LMO7: variants seen among roughly 807,000 people sequenced by gnomAD.
The protein encoded by LMO7 is LIM domain only protein 7.
In LMO7, 120 loss-of-function variants were observed where a neutral mutation model predicts 206.5. That is an observed-to-expected ratio of 0.58 (90% CI 0.50 to 0.68). LMO7 has a LOEUF of 0.68. Among genes scored for constraint, LMO7 ranks in the 30% least tolerant of loss-of-function variants. The probability of loss-of-function intolerance (pLI) is 0.00; values close to 1 mark genes in which losing one functional copy is unlikely to be tolerated. For missense variants in LMO7, 1,959 were observed against 1,957.9 expected (o/e 1.00, Z -0.01); for synonymous variants, 706 against 681.5 (o/e 1.04, Z -0.56).
chr13:75,856,332 T>C (rs979583005), intron 29 of LMO7, among the ~76,000 whole-genome samples, 174 bp from the exon 30 acceptor site: 11 of 152,204 alleles, frequency 7.2e-5, no homozygotes, highest in African/African-American at 2.4e-4. Flanking sequence ...TAACATCTTA[T>C]CTGGCGGTCT....
chr13:75,732,347 C>G (rs2045331679), intron 3 of LMO7, among the ~76,000 whole-genome samples: 2 of 129,618 alleles, frequency 1.5e-5, no homozygotes, highest in African/African-American at 6.1e-5. Flanking sequence ...TTTCTCTAAA[C>G]TTCCCTTCTT....
intron 29 of LMO7, 25 bp from the exon 30 acceptor site, chr13:75,856,468 TGACTGATTGTAGA>T (rs926223481): frequency 5.4e-6 from 7 of 1,287,108 alleles, no homozygotes; most frequent in African/African-American, 1.5e-5. Flanking sequence ...TTTCTTGAGC[TGACTGATTGTAGA>T]TGTTCTTTTT....
intron 3 of LMO7, among the ~76,000 whole-genome samples, chr13:75,748,667 G>A (rs1288477584): frequency 1.3e-5 from 2 of 152,148 alleles, no homozygotes; most frequent in Non-Finnish European, 2.9e-5. Context: ...GGAGTATGAG[G>A]CAAGAGAATT....
chr13:75,779,627 G>C (rs890604070), intron 4 of LMO7, among the ~76,000 whole-genome samples: 2 of 152,156 alleles, frequency 1.3e-5, no homozygotes, highest in African/African-American at 4.8e-5. Context: ...TATATGGAAG[G>C]CTAAATAGGA....
intron 18 of LMO7, 41 bp from the exon 19 acceptor site, chr13:75,836,356 C>G (rs1338121347): frequency 8.9e-7 from 1 of 1,124,774 alleles, no homozygotes. Flanking sequence ...GGCCAAAGTC[C>G]AACTGGAGAG....
chr13:75,754,792 G>A (rs1028687976), intron 3 of LMO7, among the ~76,000 whole-genome samples: 12 of 152,156 alleles, frequency 7.9e-5, no homozygotes, highest in African/African-American at 2.7e-4. Flanking sequence ...GGGTTGAAAG[G>A]CTCTGAAAGG....
rs1474433615 is a variant in LMO7, at chr13:75,858,841, T to A, written c.*898T>A. 5.3e-5 allele frequency: 8 copies of A among 152,250 alleles called. No homozygotes were observed. Among genetic ancestry groups the A allele is most frequent in the Admixed American group, 4.6e-4 (7 of 15,282 alleles). The allele number at this position is 152,250 out of a possible 1,614,324, so 9.4% of individuals were successfully genotyped here. On this transcript the variant is annotated 3_prime_UTR_variant, in exon 31 of 31. Transcript: ENST00000377534. ...TTTAAAGTGTATACTTTGACAAATT[T>A]TGACATGGTGTATACCTTCGAAACT...
Position 75,796,711 on chromosome 13 carries a change from A to G in LMO7, c.424A>G (p.Lys142Glu), listed in dbSNP as rs1165807073. The change falls in exon 6 of 31, where the codon AAA becomes GAA. Residue 142 changes from lysine (K) to glutamate (E), a missense_variant. By Grantham distance (56) the Lys-to-Glu change is moderately conservative. Coordinates refer to ENST00000377534, the MANE Select transcript of LMO7 (RefSeq NM_001306080.2). The part of the protein sequence containing the change: ...PYYNGPHLNL[K>E]AFENLLGQAL... ...CTATAATGGTCCCCATCTTAATTTGAAAGCGTTTGAGAATCTTTTAGGACA... is the reference window on the plus strand; with the variant it reads ...CTATAATGGTCCCCATCTTAATTTGGAAGCGTTTGAGAATCTTTTAGGACA... 6.2e-7 allele frequency: 1 copy of G among 1,613,384 alleles called. No homozygotes were observed. The highest frequency in any genetic ancestry group is 8.5e-7 in the Non-Finnish European group (1 of 1,179,566).
chr13:75,768,135 A>T (rs2049142335), intron 4 of LMO7, among the ~76,000 whole-genome samples: 1 of 152,030 alleles, frequency 6.6e-6, no homozygotes, highest in Non-Finnish European at 1.5e-5. Flanking sequence ...TATCATTCTG[A>T]TCATTTTCAT....
chr13:75,812,887 T>G (rs910907777), intron 11 of LMO7, among the ~76,000 whole-genome samples: 6 of 152,228 alleles, frequency 3.9e-5, no homozygotes, highest in African/African-American at 1.4e-4. Context: ...CTAATCATCC[T>G]TCATTCAACA....
At chr13:75,624,404 G>A (rs2033752337) in intron 2 of LMO7, among the ~76,000 whole-genome samples, 1 of 152,266 alleles carries the variant, frequency 6.6e-6, no homozygotes, top group African/African-American at 2.4e-5. Flanking sequence ...GTAGGAGAGA[G>A]CACCTTTCAT....
At chr13:75,848,066 A>G (rs972692186) in intron 26 of LMO7, among the ~76,000 whole-genome samples, 1 of 151,832 alleles carries the variant, frequency 6.6e-6, no homozygotes, top group Non-Finnish European at 1.5e-5. Context: ...TTTATTTTTA[A>G]ATTTTTTTAT....
At chr13:75,732,311 G>A (rs1365441662) in intron 3 of LMO7, among the ~76,000 whole-genome samples, 6 of 152,220 alleles carry the variant, frequency 3.9e-5, no homozygotes, top group East Asian at 3.9e-4. Context: ...TTTCTTGGAC[G>A]CTTTGTTTGT....
intron 1 of LMO7, among the ~76,000 whole-genome samples, chr13:75,705,839 T>A (rs997303142): frequency 2.6e-5 from 4 of 152,126 alleles, no homozygotes; most frequent in African/African-American, 9.7e-5. Context: ...TTGAGATGGT[T>A]TGTAGATTTA....
In LMO7 at chr13:75,833,163, C is replaced by T. The variant is rs1404954957; in HGVS notation, c.3062C>T (p.Ala1021Val). The change falls in exon 16 of 31, where the codon GCA becomes GTA. Residue 1021 changes from alanine to valine, a missense_variant and splice_region_variant. Coordinates refer to ENST00000377534, the MANE Select transcript of LMO7 (RefSeq NM_001306080.2). ...GGGATCTTCGTAGCATCAGTTGAAG[C>T]AGGTAAATTATGTGTTTAGCTCTAC... ...IPGIFVASVEAGSPAEFSQLQ... is the reference protein window; with the variant it reads ...IPGIFVASVEVGSPAEFSQLQ... 1.3e-6 allele frequency: 2 copies of T among 1,540,882 alleles called. No homozygotes were observed. The highest frequency in any genetic ancestry group is 3.3e-5 in the Admixed American group (2 of 59,872).
chr13:75,723,112 C>T (rs2044163370), intron 2 of LMO7, among the ~76,000 whole-genome samples: 1 of 151,828 alleles, frequency 6.6e-6, no homozygotes, highest in South Asian at 2.1e-4. Flanking sequence ...GAAATCACTA[C>T]TAAAGAACTC....
chr13:75,777,307 A>G (rs570241430), intron 4 of LMO7, among the ~76,000 whole-genome samples: 2 of 152,246 alleles, frequency 1.3e-5, no homozygotes, highest in African/African-American at 4.8e-5. Flanking sequence ...TTTAAAGACA[A>G]CTTACCTGCT....
At chr13:75,710,241 C>T (rs961712958) in intron 1 of LMO7, among the ~76,000 whole-genome samples, 1 of 152,160 alleles carries the variant, frequency 6.6e-6, no homozygotes, top group African/African-American at 2.4e-5. Flanking sequence ...GTGATACCTC[C>T]AGCTTTTTTC....
intron 1 of LMO7, among the ~76,000 whole-genome samples, chr13:75,695,801 C>T (rs1209505855): frequency 6.6e-6 from 1 of 152,170 alleles, no homozygotes; most frequent in Admixed American, 6.5e-5. Context: ...CAGAAGCTCT[C>T]GTGTATTTAA....
Sources: allele counts gnomAD v4.1 joint callset (sites outside exome capture counted in the v4.1 genomes callset), GRCh38; gene constraint gnomAD v4.1.1; transcripts MANE v1.5; gene names NCBI Gene and HGNC (gene_info 2026-07-23, HGNC 2026-07-21).